ARHGAP31: variants seen among roughly 807,000 people sequenced by gnomAD.
ARHGAP31 encodes Rho GTPase activating protein 31.
Under a neutral mutation model 113.9 loss-of-function variants are expected in ARHGAP31, and 34 were observed. The ratio of observed to expected loss-of-function variants is 0.30; its 90% CI spans 0.23 to 0.40. The LOEUF is 0.40. ARHGAP31 is among the 10% of genes least tolerant of loss of function. ARHGAP31 has a pLI of 1.00. For missense variants in ARHGAP31, 1,548 were observed against 1,767.1 expected, an observed-to-expected ratio of 0.88 and a Z score of 2.22; for synonymous variants, 650 against 684.8, an observed-to-expected ratio of 0.95 and a Z score of 0.79.
At chr3:119,391,589 A>ACCCCCCCTCC (rs2080503852) in intron 7 of ARHGAP31, among the ~76,000 whole-genome samples, 2 of 103,754 alleles carry the variant, frequency 1.9e-5, no homozygotes, top group African/African-American at 7.0e-5. Context: ...CTGGGTCTCT[A>ACCCCCCCTCC]CCCCCCCCTC....
intron 1 of ARHGAP31, among the ~76,000 whole-genome samples, chr3:119,352,332 G>A (rs1209587181): frequency 6.6e-6 from 1 of 152,104 alleles, no homozygotes; most frequent in Non-Finnish European, 1.5e-5. Flanking sequence ...GCACCCTGTG[G>A]GAGTCCCTCT....
chr3:119,410,308 T>A (rs1280441259), intron 11 of ARHGAP31, among the ~76,000 whole-genome samples: 1 of 152,204 alleles, frequency 6.6e-6, no homozygotes, highest in Non-Finnish European at 1.5e-5. Flanking sequence ...AGAGGTGGAA[T>A]TTTCCAAGAA....
At chr3:119,337,553 C>T (rs2079968621) in intron 1 of ARHGAP31, among the ~76,000 whole-genome samples, 1 of 152,164 alleles carries the variant, frequency 6.6e-6, no homozygotes, top group African/African-American at 2.4e-5. Context: ...GCTTTTATTC[C>T]CTTATTTGGC....
chr3:119,399,142 T>C, intron 8 of ARHGAP31, 57 bp from the exon 9 acceptor site: 1 of 1,507,614 alleles, frequency 6.6e-7, no homozygotes, highest in Non-Finnish European at 9.2e-7. Context: ...GACCTATTTT[T>C]CTGAATGCTT....
chr3:119,367,639 A>G (rs1233620986), intron 2 of ARHGAP31, among the ~76,000 whole-genome samples: 1 of 152,122 alleles, frequency 6.6e-6, no homozygotes, highest in African/African-American at 2.4e-5. Flanking sequence ...TGGTCAGATC[A>G]CGAGGTCAGG....
At chr3:119,342,949 C>CAA (rs111606896) in intron 1 of ARHGAP31, among the ~76,000 whole-genome samples, 48 of 138,826 alleles carry the variant, frequency 3.5e-4, no homozygotes, top group African/African-American at 1.1e-3. Flanking sequence ...AACTCTGTCT[C>CAA]AAAAAAAAAA....
intron 1 of ARHGAP31, among the ~76,000 whole-genome samples, chr3:119,321,278 A>G (rs893655674): frequency 6.7e-5 from 8 of 118,746 alleles, no homozygotes; most frequent in Non-Finnish European, 3.7e-5. Context: ...ATATATATAT[A>G]CTATATATAT....
chr3:119,372,247 C>T (rs968154851), intron 3 of ARHGAP31, among the ~76,000 whole-genome samples: 7 of 150,622 alleles, frequency 4.6e-5, no homozygotes, highest in Admixed American at 6.6e-5. Flanking sequence ...GTGTTCATTT[C>T]TCCCCAACCT....
intron 7 of ARHGAP31, among the ~76,000 whole-genome samples, chr3:119,392,722 C>G (rs1577026594): frequency 6.6e-6 from 1 of 152,210 alleles, no homozygotes; most frequent in Non-Finnish European, 1.5e-5. Flanking sequence ...ACTGACTACC[C>G]TCTGCGTTTC....
intron 1 of ARHGAP31, among the ~76,000 whole-genome samples, chr3:119,361,725 G>A (rs1461405532): frequency 6.6e-6 from 1 of 152,162 alleles, no homozygotes; most frequent in Non-Finnish European, 1.5e-5. Context: ...GGAGGATGCC[G>A]GGCTGCAGGA....
chr3:119,401,748 C>A, intron 9 of ARHGAP31, 74 bp from the exon 10 acceptor site: 1 of 1,402,204 alleles, frequency 7.1e-7, no homozygotes, highest in Non-Finnish European at 1.0e-6. Context: ...ATGTCGTGTG[C>A]CTGCCCTTAC....
intron 8 of ARHGAP31, among the ~76,000 whole-genome samples, chr3:119,394,973 A>C (rs1000198): frequency 0.43 from 66,123 of 152,034 alleles, 15,169 homozygotes; most frequent in South Asian, 0.53. Context: ...TTGACACTTT[A>C]AAATAACTAG....
At chr3:119,312,427 C>T (rs1050080830) in intron 1 of ARHGAP31, among the ~76,000 whole-genome samples, 1 of 152,146 alleles carries the variant, frequency 6.6e-6, no homozygotes, top group South Asian at 2.1e-4. Flanking sequence ...CCTTCTCACC[C>T]GCCTCCTGGT....
chr3:119,329,984 G>T, intron 1 of ARHGAP31: 2 of 985,438 alleles, frequency 2.0e-6, no homozygotes, highest in Non-Finnish European at 2.4e-6. Flanking sequence ...GTGTCTATGC[G>T]GGGTGAGTTT....
intron 9 of ARHGAP31, among the ~76,000 whole-genome samples, chr3:119,400,651 T>C (rs1236961093): frequency 1.3e-5 from 2 of 152,216 alleles, no homozygotes; most frequent in Non-Finnish European, 2.9e-5. Flanking sequence ...CATGTGAGTA[T>C]TAGGTCATCT....
chr3:119,300,574 A>C (rs1386157320), intron 1 of ARHGAP31, among the ~76,000 whole-genome samples: 1 of 152,174 alleles, frequency 6.6e-6, no homozygotes, highest in Non-Finnish European at 1.5e-5. Context: ...CACGCCTATA[A>C]TTCCAGCACT....
At chr3:119,388,429 A>G (rs1413376997) in intron 6 of ARHGAP31, among the ~76,000 whole-genome samples, 1 of 151,914 alleles carries the variant, frequency 6.6e-6, no homozygotes, top group Non-Finnish European at 1.5e-5. Context: ...ATGCGAAGAG[A>G]CGGGTTTGTT....
chr3:119,319,463 G>C (rs538591975), intron 1 of ARHGAP31, among the ~76,000 whole-genome samples: 90 of 152,072 alleles, frequency 5.9e-4, no homozygotes, highest in African/African-American at 2.0e-3. Flanking sequence ...GTACATTATA[G>C]CATAAGACAT....
At chr3:119,354,484 G>T (rs1577009058) in intron 1 of ARHGAP31, among the ~76,000 whole-genome samples, 2 of 130,724 alleles carry the variant, frequency 1.5e-5, no homozygotes, top group South Asian at 5.2e-4. Flanking sequence ...GTTTGTGTGT[G>T]TGTGTGTGTG....
Sources: allele counts gnomAD v4.1 joint callset (sites outside exome capture counted in the v4.1 genomes callset), GRCh38; gene constraint gnomAD v4.1.1; transcripts MANE v1.5; gene names NCBI Gene and HGNC (gene_info 2026-07-23, HGNC 2026-07-21).